The following ADAMTSL3 variants were observed in gnomAD, a reference collection of about 807,000 sequenced individuals.
ADAMTSL3 encodes ADAMTS-like protein 3.
Under a neutral mutation model 201.7 loss-of-function variants are expected in ADAMTSL3, and 128 were observed. The ratio of observed to expected loss-of-function variants is 0.63; its 90% confidence interval spans 0.55 to 0.73. ADAMTSL3 has a LOEUF of 0.73. Ranked by LOEUF, ADAMTSL3 falls within the 30% of genes least tolerant of loss-of-function variation. The pLI is 0.00. For missense variants in ADAMTSL3, 1,990 were observed against 2,119.6 expected, an observed-to-expected ratio of 0.94 and a Z score of 1.20; for synonymous variants, 738 against 748.4, an observed-to-expected ratio of 0.99 and a Z score of 0.23.
At chr15:83,919,267 G>A (rs1173561240) in intron 16 of ADAMTSL3, among the ~76,000 whole-genome samples, 1 of 152,148 alleles carries the variant, frequency 6.6e-6, no homozygotes, top group African/African-American at 2.4e-5. Context: ...TATGAGGAGT[G>A]CAGAGGGTCT....
At chr15:83,670,797 A>C (rs939113729) in intron 2 of ADAMTSL3, among the ~76,000 whole-genome samples, 1 of 152,192 alleles carries the variant, frequency 6.6e-6, no homozygotes, top group African/African-American at 2.4e-5. Context: ...ATTCTGGTCA[A>C]CTGATGTCTA....
chr15:83,663,865 T>G (rs1429541274), intron 2 of ADAMTSL3, among the ~76,000 whole-genome samples: 1 of 152,238 alleles, frequency 6.6e-6, no homozygotes, highest in Non-Finnish European at 1.5e-5. Flanking sequence ...GGGAGCTCTC[T>G]CCTTGTGTGT....
At chr15:83,735,587 G>A (rs1304888645) in intron 3 of ADAMTSL3, among the ~76,000 whole-genome samples, 2 of 152,008 alleles carry the variant, frequency 1.3e-5, no homozygotes, top group Admixed American at 6.6e-5. Flanking sequence ...GGTCATCTTG[G>A]GGGATCAGTG....
chr15:83,831,922 G>C lies in ADAMTSL3; in HGVS notation c.601-6167G>C, dbSNP rs140412958. On this transcript the variant is annotated intron_variant, in intron 6 of 29. Coordinates refer to ENST00000286744, the MANE Select transcript of ADAMTSL3 (RefSeq NM_207517.3). ...AAGGATATATGTTGCCAGGCAGGTG[G>C]GTGAGTGGAGTATTGACTGAGAGGT... is the stretch of plus-strand genomic sequence containing the variant. Among the ~76,000 whole-genome samples, 63 of 152,278 alleles carry C rather than the reference G, an allele frequency of 4.1e-4. 2 individuals carry two copies. In the East Asian group the frequency reaches 7.9e-3, roughly 19 times the overall value.
chr15:83,966,195 A>G (rs1233080174), intron 19 of ADAMTSL3, among the ~76,000 whole-genome samples: 1 of 152,226 alleles, frequency 6.6e-6, no homozygotes, highest in African/African-American at 2.4e-5. Flanking sequence ...AGCAGAACTG[A>G]GAGAGATAGA....
At chr15:83,916,751 AT>A (rs1236489567) in intron 16 of ADAMTSL3, among the ~76,000 whole-genome samples, 1 of 151,392 alleles carries the variant, frequency 6.6e-6, no homozygotes, top group African/African-American at 2.4e-5. Context: ...TTGGAGATCA[AT>A]CTGGGCAACA....
intron 25 of ADAMTSL3, among the ~76,000 whole-genome samples, chr15:84,017,275 G>A (rs1310288771): frequency 3.9e-5 from 6 of 152,092 alleles, no homozygotes; most frequent in East Asian, 3.9e-4. Flanking sequence ...CCGCCACCAC[G>A]CCCGGCTAAT....
intron 8 of ADAMTSL3, among the ~76,000 whole-genome samples, chr15:83,870,315 T>C (rs2065058388): frequency 6.6e-6 from 1 of 152,210 alleles, no homozygotes; most frequent in Admixed American, 6.5e-5. Flanking sequence ...CAAAAGGGAA[T>C]GAAGGTTACA....
intron 7 of ADAMTSL3, among the ~76,000 whole-genome samples, chr15:83,847,504 T>C (rs981752282): frequency 7.9e-5 from 12 of 151,768 alleles, no homozygotes; most frequent in Non-Finnish European, 1.8e-4. Context: ...ACTTTTTTTT[T>C]TTTTTTTTGA....
Position 83,983,158 on chromosome 15 carries a change from C to T in ADAMTSL3, c.3530C>T (p.Pro1177Leu), listed in dbSNP as rs1040782005. 1.2e-6 allele frequency: 2 copies of T among 1,613,776 alleles called. No homozygotes were observed. Among genetic ancestry groups the T allele is most frequent in the Non-Finnish European group, 1.7e-6 (2 of 1,179,898 alleles). The change falls in exon 21 of 30, where the codon CCT becomes CTT. Residue 1177 changes from proline to leucine, a missense_variant. By Grantham distance (98) the Pro-to-Leu change is moderately conservative. Transcript: ENST00000286744. Reference sequence around the variant, plus strand: ...AAGCTGACATTCAAGCCGAAAGGACCTGTTCTCATGAGGCAAAGCCAACCT... The same window carrying T: ...AAGCTGACATTCAAGCCGAAAGGACTTGTTCTCATGAGGCAAAGCCAACCT... ...SGKLTFKPKG[P>L]VLMRQSQPPS... is the part of the protein sequence containing the mutation.
At chr15:83,946,708 T>A (rs2066661245) in intron 19 of ADAMTSL3, among the ~76,000 whole-genome samples, 1 of 152,180 alleles carries the variant, frequency 6.6e-6, no homozygotes. Flanking sequence ...AGATCGTTCA[T>A]TGGAGGGGTT....
At chr15:83,759,507 G>A (rs2062775615) in intron 3 of ADAMTSL3, among the ~76,000 whole-genome samples, 1 of 152,210 alleles carries the variant, frequency 6.6e-6, no homozygotes, top group South Asian at 2.1e-4. Context: ...TTACAGGCGT[G>A]AGCCACTGGG....
chr15:83,747,718 G>A (rs532450336), intron 3 of ADAMTSL3, among the ~76,000 whole-genome samples: 2 of 152,208 alleles, frequency 1.3e-5, no homozygotes, highest in East Asian at 3.9e-4. Context: ...TACTTCGTAA[G>A]AATGGCTGTG....
At chr15:83,671,600 A>T (rs1438493204) in intron 2 of ADAMTSL3, among the ~76,000 whole-genome samples, 1 of 152,306 alleles carries the variant, frequency 6.6e-6, no homozygotes, top group East Asian at 1.9e-4. Flanking sequence ...GATATTTGAT[A>T]GTTGGACATT....
At chr15:83,986,103 G>A (rs540391938) in intron 21 of ADAMTSL3, among the ~76,000 whole-genome samples, 78 of 152,148 alleles carry the variant, frequency 5.1e-4, no homozygotes, top group Non-Finnish European at 8.4e-4. Context: ...GGTCAATACC[G>A]TTTTTAAAAA....
intron 10 of ADAMTSL3, among the ~76,000 whole-genome samples, chr15:83,888,630 C>G (rs1183773231): frequency 6.6e-6 from 1 of 152,172 alleles, no homozygotes; most frequent in African/African-American, 2.4e-5. Context: ...CTTTCCTAGT[C>G]CCGTCTGTAA....
chr15:83,913,344 T>A lies in ADAMTSL3; in HGVS notation c.1953T>A (p.Ala651=). 1 of 1,613,684 alleles carries A rather than the reference T, an allele frequency of 6.2e-7. No individual in the cohort carries two copies. The highest frequency in any genetic ancestry group is 8.5e-7 in the Non-Finnish European group (1 of 1,180,012). Reference sequence around the variant, plus strand: ...AGACGACTTACGACTGGGAGTACGCTGGGTTCACCCCTTGCACAGCAACAT... The same window carrying A: ...AGACGACTTACGACTGGGAGTACGCAGGGTTCACCCCTTGCACAGCAACAT... ...DSETTYDWEY[A]GFTPCTATCV... is the part of the protein sequence containing the mutation. The change falls in exon 16 of 30, where the codon GCT becomes GCA. Residue 651 remains alanine, a synonymous_variant. Transcript: ENST00000286744.
At chr15:83,941,193 A>G (rs1395760645) in intron 17 of ADAMTSL3, among the ~76,000 whole-genome samples, 1 of 151,864 alleles carries the variant, frequency 6.6e-6, no homozygotes, top group East Asian at 1.9e-4. Context: ...TTTTTCCTTC[A>G]TAAATAAAAC....
chr15:83,684,077 G>T (rs2061508823), intron 2 of ADAMTSL3, among the ~76,000 whole-genome samples: 1 of 152,290 alleles, frequency 6.6e-6, no homozygotes, highest in South Asian at 2.1e-4. Context: ...CTGAAGCAAA[G>T]ATTACTTGTT....
Sources: gnomAD v4.1 joint callset for allele counts (sites outside exome capture counted in the v4.1 genomes callset) on GRCh38, gnomAD v4.1.1 for gene constraint, MANE v1.5 for transcripts, NCBI Gene and HGNC (gene_info 2026-07-23, HGNC 2026-07-21) for gene names.